The following SPAG16 variants were observed in gnomAD, a reference collection of about 807,000 sequenced individuals.
The protein encoded by SPAG16 is sperm associated antigen 16, also known as sperm-associated antigen 16 protein.
A neutral mutation model predicts 80.4 loss-of-function variants in SPAG16; 86 were observed. That is an observed-to-expected ratio of 1.07 (90% CI 0.90 to 1.28). The LOEUF (loss-of-function observed/expected upper bound fraction) is 1.28. Ranked by LOEUF, SPAG16 falls within the 50% of genes most tolerant of loss-of-function variation. SPAG16 has a pLI of 0.00. For missense variants in SPAG16, 870 were observed against 765.3 expected, an observed-to-expected ratio of 1.14 and a Z score of -1.61; for synonymous variants, 294 against 265.9, an observed-to-expected ratio of 1.11 and a Z score of -1.03.
intron 12 of SPAG16, among the ~76,000 whole-genome samples, chr2:213,932,181 TATATATATATATATA>T (rs1559602561): frequency 8.5e-4 from 21 of 24,658 alleles, no homozygotes; most frequent in African/African-American, 1.4e-3. Flanking sequence ...TATATATATA[TATATATATATATATA>T]TATTTGTTGT....
chr2:214,217,426 G>A (rs888998141), intron 15 of SPAG16, among the ~76,000 whole-genome samples: 2 of 152,216 alleles, frequency 1.3e-5, no homozygotes, highest in Non-Finnish European at 2.9e-5. Context: ...AAGCACCTAT[G>A]TGACCCCCTC....
intron 13 of SPAG16, among the ~76,000 whole-genome samples, chr2:214,025,500 A>G (rs1383824482): frequency 6.6e-6 from 1 of 151,668 alleles, no homozygotes; most frequent in Non-Finnish European, 1.5e-5. Context: ...GTACTTCAAG[A>G]TAGTCTTAAC....
intron 13 of SPAG16, among the ~76,000 whole-genome samples, chr2:214,081,446 T>C (rs1197580103): frequency 1.3e-5 from 2 of 152,098 alleles, no homozygotes; most frequent in Non-Finnish European, 2.9e-5. Context: ...GAGCCCTAAT[T>C]CAATATGACT....
At chr2:213,512,314 C>T (rs886518399) in intron 10 of SPAG16, among the ~76,000 whole-genome samples, 1 of 152,122 alleles carries the variant, frequency 6.6e-6, no homozygotes, top group Non-Finnish European at 1.5e-5. Context: ...ACAAAATGGA[C>T]TTGAAACAAG....
At chr2:213,624,104 G>A (rs1029333609) in intron 10 of SPAG16, among the ~76,000 whole-genome samples, 6 of 151,806 alleles carry the variant, frequency 4.0e-5, no homozygotes, top group African/African-American at 1.5e-4. Flanking sequence ...TGACAACCTG[G>A]TAGAAGTTAA....
intron 10 of SPAG16, among the ~76,000 whole-genome samples, chr2:213,759,465 T>C (rs2068527354): frequency 6.6e-6 from 1 of 152,060 alleles, no homozygotes; most frequent in Admixed American, 6.6e-5. Context: ...CATAAAGATA[T>C]AATTTTGTGA....
At chr2:213,852,807 TC>T (rs1220555787) in intron 10 of SPAG16, among the ~76,000 whole-genome samples, 1 of 152,226 alleles carries the variant, frequency 6.6e-6, no homozygotes, top group Non-Finnish European at 1.5e-5. Context: ...TAAGTAAGTT[TC>T]CTGAGGGTGA....
At chr2:213,407,812 AGAGAGAG>A (rs2125375782) in intron 9 of SPAG16, among the ~76,000 whole-genome samples, 1 of 136,108 alleles carries the variant, frequency 7.3e-6, no homozygotes, top group East Asian at 2.2e-4. Flanking sequence ...AGGCAGAGAG[AGAGAGAG>A]GAGAGAGGCA....
intron 10 of SPAG16, among the ~76,000 whole-genome samples, chr2:213,714,338 A>C (rs2066136881): frequency 6.6e-6 from 1 of 152,220 alleles, no homozygotes; most frequent in African/African-American, 2.4e-5. Flanking sequence ...CACCTGTCAC[A>C]TTCAGAAATT....
At chr2:213,574,709 G>T (rs1487506409) in intron 10 of SPAG16, among the ~76,000 whole-genome samples, 1 of 143,640 alleles carries the variant, frequency 7.0e-6, no homozygotes, top group Non-Finnish European at 1.5e-5. Flanking sequence ...TATGATATAT[G>T]ATATATATAT....
chr2:213,523,725 T>C (rs2075777826), intron 10 of SPAG16, among the ~76,000 whole-genome samples: 1 of 152,186 alleles, frequency 6.6e-6, no homozygotes, highest in Non-Finnish European at 1.5e-5. Flanking sequence ...ACTTGGGAAC[T>C]GAAGCAAAGG....
chr2:213,558,353 A>C (rs1250687274), intron 10 of SPAG16, among the ~76,000 whole-genome samples: 1 of 152,106 alleles, frequency 6.6e-6, no homozygotes, highest in Non-Finnish European at 1.5e-5. Context: ...TTTCTAAGAT[A>C]AAGAGAACAA....
At chr2:213,863,120 C>A (rs2105953138) in intron 11 of SPAG16, among the ~76,000 whole-genome samples, 1 of 152,248 alleles carries the variant, frequency 6.6e-6, no homozygotes, top group East Asian at 1.9e-4. Flanking sequence ...TTCTGAAATT[C>A]ACTGAACCTA....
intron 10 of SPAG16, among the ~76,000 whole-genome samples, chr2:213,753,850 G>A (rs1366093677): frequency 1.3e-5 from 2 of 152,176 alleles, no homozygotes; most frequent in Admixed American, 1.3e-4. Context: ...AGGAAAAAGG[G>A]TTGAGTAGAT....
intron 15 of SPAG16, among the ~76,000 whole-genome samples, chr2:214,199,193 A>G (rs757149396): frequency 5.3e-5 from 8 of 152,110 alleles, no homozygotes; most frequent in African/African-American, 1.9e-4. Context: ...CAATGTCTAG[A>G]AGAGTTTTTC....
chr2:213,290,477 G>T (rs2062226527), intron 1 of SPAG16, among the ~76,000 whole-genome samples: 1 of 152,116 alleles, frequency 6.6e-6, no homozygotes, highest in Non-Finnish European at 1.5e-5. Flanking sequence ...TGTGCAGATA[G>T]GTAAGAACCA....
At chr2:214,158,261 T>G (rs2056299439) in intron 15 of SPAG16, among the ~76,000 whole-genome samples, 1 of 152,030 alleles carries the variant, frequency 6.6e-6, no homozygotes, top group Admixed American at 6.6e-5. Flanking sequence ...AAAATAAAAT[T>G]TAAATGCTCC....
chr2:214,248,422 ATTC>A (rs919384298), intron 15 of SPAG16, among the ~76,000 whole-genome samples: 21 of 151,592 alleles, frequency 1.4e-4, no homozygotes, highest in African/African-American at 5.1e-4. Context: ...GGTTCAGGCA[ATTC>A]TTCTGCCTCA....
At chr2:214,220,472 T>C (rs1029404715) in intron 15 of SPAG16, among the ~76,000 whole-genome samples, 12 of 152,276 alleles carry the variant, frequency 7.9e-5, no homozygotes, top group Non-Finnish European at 1.2e-4. Flanking sequence ...CAGTAAGATT[T>C]GTTAGGTAAC....
Sources: allele counts gnomAD v4.1 joint callset (sites outside exome capture counted in the v4.1 genomes callset), GRCh38; gene constraint gnomAD v4.1.1; transcripts MANE v1.5; gene names NCBI Gene and HGNC (gene_info 2026-07-23, HGNC 2026-07-21).